MAP7D2: variants seen among roughly 807,000 people sequenced by gnomAD.
MAP7D2 encodes the protein MAP7 domain-containing protein 2.
MAP7D2 carries 33 observed loss-of-function variants against 63.5 expected under a neutral mutation model. The ratio of observed to expected loss-of-function variants is 0.52; its 90% CI spans 0.39 to 0.70. MAP7D2 has a LOEUF of 0.70. Among genes scored for constraint, MAP7D2 ranks in the 30% least tolerant of loss-of-function variants. The pLI, the probability that MAP7D2 is intolerant of heterozygous loss-of-function variation, is 0.00. For synonymous variants in MAP7D2, 224 were observed against 223.7 expected (o/e 1.00, Z -0.01); for missense variants, 626 against 604.0 (o/e 1.04, Z -0.38).
At chrX:20,013,702 T>G in intron 12 of MAP7D2, 77 bp from the exon 13 acceptor site, 2 of 686,817 alleles carry the variant, frequency 2.9e-6, no homozygotes, top group Non-Finnish European at 4.4e-6. Flanking sequence ...TTGGTTTACA[T>G]GCAATGTCAC....
chrX:20,052,939 C>T lies in MAP7D2; in HGVS notation c.534G>A (p.Glu178=). ...TSTMSLPKPT[E]PPMNKRLSSS... ...AAGACAGGCGTTTATTCATGGGAGGCTCCGTTGGCTTTGGCAAACTCATAG... is the reference window on the plus strand; with the variant it reads ...AAGACAGGCGTTTATTCATGGGAGGTTCCGTTGGCTTTGGCAAACTCATAG... The change falls in exon 5 of 17, where the codon GAG becomes GAA. Residue 178 remains glutamate (E), a synonymous_variant. Transcript: ENST00000379643. The T allele has an allele frequency of 4.1e-6, 5 of 1,211,667 alleles. No homozygotes were observed. The highest frequency in any genetic ancestry group is 5.6e-6 in the Non-Finnish European group (5 of 895,093).
intron 10 of MAP7D2, among the ~76,000 whole-genome samples, chrX:20,020,225 G>T (rs2148158345): frequency 9.0e-6 from 1 of 111,194 alleles, no homozygotes; most frequent in East Asian, 2.8e-4. Context: ...CCACAGCTAT[G>T]TGTCCCTCCC....
chrX:20,071,461 C>T (rs1007019519), intron 1 of MAP7D2, among the ~76,000 whole-genome samples: 6 of 112,570 alleles, frequency 5.3e-5, no homozygotes, highest in African/African-American at 1.9e-4. Context: ...ACCTGGAGGG[C>T]TTGTGAAAAT....
In MAP7D2 at chrX:20,016,196, T is replaced by C; in HGVS notation, c.1542A>G (p.Lys514=). Reference sequence around the variant, plus strand: ...GCTTGGCCTCCTCGCCTGCCTTTCTTTTCTCTTCCCCTTCCTGTTTTTTCT... The same window carrying C: ...GCTTGGCCTCCTCGCCTGCCTTTCTCTTCTCTTCCCCTTCCTGTTTTTTCT... The part of the protein sequence containing the change: ...EEKKKQEGEE[K]RKAGEEAKRK... Residue 514 remains lysine, a synonymous_variant, in exon 11 of 17, where the codon AAA becomes AAG. Transcript: ENST00000379643. The C allele has an allele frequency of 8.4e-7, 1 of 1,195,452 alleles. No individual in the cohort carries two copies. The highest frequency in any genetic ancestry group is 1.1e-6 in the Non-Finnish European group (1 of 886,921).
chrX:20,036,969 T>C (rs1277456328), intron 8 of MAP7D2, among the ~76,000 whole-genome samples: 2 of 107,155 alleles, frequency 1.9e-5, no homozygotes, highest in African/African-American at 3.4e-5. Context: ...AGTGAGCCAG[T>C]TGTGACCTTG....
chrX:20,105,908 C>T, intron 1 of MAP7D2, among the ~76,000 whole-genome samples: 1 of 112,200 alleles, frequency 8.9e-6, no homozygotes, highest in Non-Finnish European at 1.9e-5. Flanking sequence ...TTATAACAAA[C>T]AAATTTACTT....
intron 11 of MAP7D2, 49 bp from the exon 12 acceptor site, chrX:20,015,376 C>T (rs1331449438): frequency 9.6e-7 from 1 of 1,040,915 alleles, no homozygotes; most frequent in African/African-American, 1.8e-5. Context: ...GCTAAGAAAA[C>T]AGTGTGGTAA....
chrX:20,012,422 G>C lies in MAP7D2; in HGVS notation c.1999C>G (p.His667Asp). Residue 667 changes from histidine to aspartate, a missense_variant, in exon 15 of 17, where the codon CAT becomes GAT. Transcript: ENST00000379643. ...NGLKPAGGLIHLDALDGKSNS... is the reference protein window; with the variant it reads ...NGLKPAGGLIDLDALDGKSNS... ...GATTTCCCATCAAGGGCATCCAGAT[G>C]AATGAGTCCCCCAGCTGGCTTAAGC... is the stretch of plus-strand genomic sequence containing the variant. 2 of 1,209,876 alleles carry C rather than the reference G, an allele frequency of 1.7e-6. No individual in the cohort carries two copies. Among genetic ancestry groups the C allele is most frequent in the Non-Finnish European group, 2.2e-6 (2 of 894,195 alleles).
chrX:20,034,486 C>T (rs2074155931), intron 8 of MAP7D2, among the ~76,000 whole-genome samples: 1 of 110,982 alleles, frequency 9.0e-6, no homozygotes. Flanking sequence ...TTTCTGTCTC[C>T]TCAAAACATG....
At chrX:20,109,041 C>T (rs2066653634) in intron 1 of MAP7D2, among the ~76,000 whole-genome samples, 1 of 108,963 alleles carries the variant, frequency 9.2e-6, no homozygotes, top group African/African-American at 3.3e-5. Flanking sequence ...AAATGAGATC[C>T]CCATCGCCTT....
intron 1 of MAP7D2, among the ~76,000 whole-genome samples, chrX:20,108,236 TTTA>T (rs1448941563): frequency 1.3e-3 from 8 of 6,217 alleles, no homozygotes; most frequent in African/African-American, 3.9e-3. Context: ...TCTTTTTTAT[TTTA>T]TTTTTTTTTT....
At chrX:20,057,663 A>G (rs772749098) in intron 3 of MAP7D2, among the ~76,000 whole-genome samples, 1 of 111,976 alleles carries the variant, frequency 8.9e-6, no homozygotes, top group South Asian at 3.7e-4. Flanking sequence ...TCTCCACTGG[A>G]GAAGGCCTGA....
intron 1 of MAP7D2, among the ~76,000 whole-genome samples, chrX:20,110,221 T>C (rs2066702110): frequency 3.8e-5 from 4 of 106,468 alleles, no homozygotes; most frequent in Admixed American, 3.1e-4. Context: ...GGCACGGTGG[T>C]TCACGCCTGT....
At position 20,042,597 on chromosome X, in the gene MAP7D2, T is replaced by C. The variant is rs1452860794; in HGVS notation, c.912A>G (p.Ala304=). The C allele has an allele frequency of 2.5e-6, 3 of 1,211,439 alleles. No individual in the cohort carries two copies. Residue 304 remains alanine, a synonymous_variant, in exon 8 of 17, where the codon GCA becomes GCG. Coordinates refer to ENST00000379643, the MANE Select transcript of MAP7D2 (RefSeq NM_001168465.2). ...CGAAGTTCACAACAGGAAGAGAAGT[T>C]GCTGTTCGTTGCCCCCGCTTCACCT... is the stretch of plus-strand genomic sequence containing the variant. The part of the protein sequence containing the change: ...VEKVKRGQRT[A]TSLPVVNFGS...
At chrX:20,071,394 C>T (rs953836104) in intron 1 of MAP7D2, among the ~76,000 whole-genome samples, 1 of 112,516 alleles carries the variant, frequency 8.9e-6, no homozygotes, top group Admixed American at 9.4e-5. Flanking sequence ...AATGTGCATC[C>T]AGACCTGACA....
intron 6 of MAP7D2, 117 bp from the exon 7 acceptor site, chrX:20,044,641 C>T: frequency 1.5e-6 from 1 of 652,534 alleles, no homozygotes; most frequent in Non-Finnish European, 2.4e-6. Flanking sequence ...CAATATCATA[C>T]TTTTCTATTG....
At chrX:20,095,695 CAA>C (rs1173820145) in intron 1 of MAP7D2, among the ~76,000 whole-genome samples, 1 of 111,714 alleles carries the variant, frequency 9.0e-6, no homozygotes, top group Non-Finnish European at 1.9e-5. Context: ...TCACAATAGC[CAA>C]AAGGGGGAAG....
At chrX:20,080,340 T>C (rs1201007957) in intron 1 of MAP7D2, among the ~76,000 whole-genome samples, 2 of 110,407 alleles carry the variant, frequency 1.8e-5, no homozygotes, top group African/African-American at 6.6e-5. Flanking sequence ...TCACAGTTTT[T>C]TGTGCATGCC....
chrX:20,110,712 C>T (rs1009414890), intron 1 of MAP7D2, among the ~76,000 whole-genome samples: 11 of 107,005 alleles, frequency 1.0e-4, no homozygotes, highest in Non-Finnish European at 1.7e-4. Context: ...ATAGGTTACA[C>T]GCAAATACTA....
Sources: allele counts gnomAD v4.1 joint callset (sites outside exome capture counted in the v4.1 genomes callset), GRCh38; gene constraint gnomAD v4.1.1; transcripts MANE v1.5; gene names NCBI Gene and HGNC (gene_info 2026-07-23, HGNC 2026-07-21).